CACNA1C: variants seen among roughly 807,000 people sequenced by gnomAD.
CACNA1C encodes voltage-dependent L-type calcium channel subunit alpha-1C.
CACNA1C carries 30 observed loss-of-function variants against 229.0 expected under a neutral mutation model. The observed-to-expected ratio is 0.13, with a 90% confidence interval of 0.10 to 0.18. The LOEUF (loss-of-function observed/expected upper bound fraction) is 0.18. Ranked by LOEUF, CACNA1C falls within the 10% of genes least tolerant of loss-of-function variation. CACNA1C has a pLI of 1.00. For synonymous variants in CACNA1C, 1,114 were observed against 1,132.5 expected, an observed-to-expected ratio of 0.98 and a Z score of 0.33; for missense variants, 1,658 against 2,845.0, an observed-to-expected ratio of 0.58 and a Z score of 9.49.
At chr12:2,185,055 C>T (rs999769977) in intron 3 of CACNA1C, among the ~76,000 whole-genome samples, 2 of 149,756 alleles carry the variant, frequency 1.3e-5, no homozygotes, top group African/African-American at 2.6e-5. Context: ...CTTTACAACT[C>T]AACGCAGCTG....
intron 30 of CACNA1C, among the ~76,000 whole-genome samples, chr12:2,637,558 G>T (rs987825012): frequency 2.6e-5 from 4 of 152,328 alleles, no homozygotes; most frequent in African/African-American, 9.6e-5. Context: ...AGCACAGTCC[G>T]GCTTGACCCT....
intron 10 of CACNA1C, among the ~76,000 whole-genome samples, chr12:2,554,473 C>T (rs567567948): frequency 2.5e-4 from 38 of 152,282 alleles, no homozygotes; most frequent in African/African-American, 8.9e-4. Flanking sequence ...GTGTGCTGTG[C>T]ATAGAGAAGC....
In CACNA1C at chr12:2,037,467, G is replaced by T. The variant is rs141550014; in HGVS notation, c.139+66266G>T. On this transcript the variant is annotated intron_variant, in intron 1 of 46. Transcript: ENST00000682462. ...TTAAAGTATCTTCGGGCCCCACTTG[G>T]TCTTGAAATTGTTAAAAGGCATTGG... Among the ~76,000 whole-genome samples the T allele has an allele frequency of 1.3e-3, 200 of 152,294 alleles. 1 individual carries two copies. In the East Asian group the frequency reaches 0.014, roughly 11 times the overall value.
chr12:2,466,436 T>G (rs1391163081), intron 5 of CACNA1C, among the ~76,000 whole-genome samples: 1 of 152,178 alleles, frequency 6.6e-6, no homozygotes, highest in Non-Finnish European at 1.5e-5. Flanking sequence ...TAAGAGAACA[T>G]CTTTCTGGAG....
chr12:2,198,461 C>CGG (rs560032812), intron 3 of CACNA1C, among the ~76,000 whole-genome samples: 67 of 152,304 alleles, frequency 4.4e-4, no homozygotes, highest in African/African-American at 1.6e-3. Flanking sequence ...TACAGCTCCG[C>CGG]ATATTGTAGG....
At chr12:2,112,443 G>GTAA (rs1565766598) in intron 1 of CACNA1C, among the ~76,000 whole-genome samples, 1 of 151,282 alleles carries the variant, frequency 6.6e-6, no homozygotes, top group Non-Finnish European at 1.5e-5. Context: ...CCGTGAGCCT[G>GTAA]ATGTTCTGTT....
chr12:2,397,628 C>G (rs888598965), intron 3 of CACNA1C, among the ~76,000 whole-genome samples: 1 of 152,232 alleles, frequency 6.6e-6, no homozygotes, highest in Non-Finnish European at 1.5e-5. Context: ...AAGTGACTGG[C>G]ACAAAACAGA....
chr12:2,295,217 C>T (rs2093927222), intron 3 of CACNA1C, among the ~76,000 whole-genome samples: 1 of 152,218 alleles, frequency 6.6e-6, no homozygotes, highest in Non-Finnish European at 1.5e-5. Flanking sequence ...CCTGAATCCA[C>T]TCCTCGTTAT....
intron 8 of CACNA1C, among the ~76,000 whole-genome samples, chr12:2,508,691 A>C (rs1274654997): frequency 6.6e-6 from 1 of 152,214 alleles, no homozygotes; most frequent in Non-Finnish European, 1.5e-5. Context: ...GGAAATTCAA[A>C]GACTTTTGGC....
At chr12:2,635,052 AG>A (rs1367220374) in intron 30 of CACNA1C, among the ~76,000 whole-genome samples, 3 of 152,132 alleles carry the variant, frequency 2.0e-5, no homozygotes, top group Non-Finnish European at 4.4e-5. Context: ...TCTTCTCTAG[AG>A]GTGGTGGGTG....
At chr12:2,086,684 C>G (rs1230426380) in intron 1 of CACNA1C, among the ~76,000 whole-genome samples, 2 of 152,212 alleles carry the variant, frequency 1.3e-5, no homozygotes, top group African/African-American at 4.8e-5. Context: ...TGCAGGGCTT[C>G]TCTCTTTGTG....
chr12:2,641,102 T>G (rs2093642822), intron 30 of CACNA1C, among the ~76,000 whole-genome samples: 1 of 152,146 alleles, frequency 6.6e-6, no homozygotes, highest in Admixed American at 6.5e-5. Flanking sequence ...CCCATAGCTG[T>G]GATGAGGAAG....
At chr12:2,599,967 A>G (rs1429197204) in intron 21 of CACNA1C, among the ~76,000 whole-genome samples, 1 of 152,208 alleles carries the variant, frequency 6.6e-6, no homozygotes, top group Non-Finnish European at 1.5e-5. Flanking sequence ...ACAGGAGCCC[A>G]AAACCAGAGG....
At chr12:2,617,945 A>G (rs1344459154) in intron 29 of CACNA1C, among the ~76,000 whole-genome samples, 1 of 152,366 alleles carries the variant, frequency 6.6e-6, no homozygotes, top group East Asian at 1.9e-4. Flanking sequence ...TAGATTTAGC[A>G]TCTGGCCTCT....
At chr12:2,635,617 T>C (rs1449297209) in intron 30 of CACNA1C, among the ~76,000 whole-genome samples, 1 of 151,314 alleles carries the variant, frequency 6.6e-6, no homozygotes, top group Non-Finnish European at 1.5e-5. Flanking sequence ...TGCCAGATTC[T>C]TCCAGATTAG....
intron 13 of CACNA1C, among the ~76,000 whole-genome samples, chr12:2,570,180 G>A (rs1374093430): frequency 6.6e-6 from 1 of 152,078 alleles, no homozygotes; most frequent in Non-Finnish European, 1.5e-5. Flanking sequence ...AATCTGCTTT[G>A]GGGGCTCCCA....
intron 3 of CACNA1C, among the ~76,000 whole-genome samples, chr12:2,409,316 C>A (rs1475401354): frequency 1.3e-5 from 2 of 152,184 alleles, no homozygotes; most frequent in Non-Finnish European, 2.9e-5. Context: ...TAGCCTCAGA[C>A]CCCTCACCAC....
intron 1 of CACNA1C, among the ~76,000 whole-genome samples, chr12:2,017,758 A>C (rs1400343534): frequency 2.6e-5 from 4 of 151,702 alleles, no homozygotes; most frequent in Non-Finnish European, 2.9e-5. Flanking sequence ...AGAGGACTGC[A>C]TTCCATTTGC....
chr12:2,330,075 G>A (rs934071333), intron 3 of CACNA1C, among the ~76,000 whole-genome samples: 1 of 152,220 alleles, frequency 6.6e-6, no homozygotes, highest in Admixed American at 6.5e-5. Flanking sequence ...AACAGCTGTC[G>A]GGGTCTCCCC....
Sources: gnomAD v4.1 joint callset for allele counts (sites outside exome capture counted in the v4.1 genomes callset) on GRCh38, gnomAD v4.1.1 for gene constraint, MANE v1.5 for transcripts, NCBI Gene and HGNC (gene_info 2026-07-23, HGNC 2026-07-21) for gene names.